Variants in VEGFA observed in about 807,000 individuals in gnomAD.
VEGFA encodes vascular endothelial growth factor A, long form.
Under a neutral mutation model 49.7 loss-of-function variants are expected in VEGFA, and 20 were observed. The ratio of observed to expected loss-of-function variants is 0.40; its 90% CI spans 0.28 to 0.58. The LOEUF is 0.58. VEGFA is among the 20% of genes least tolerant of loss of function. VEGFA has a pLI of 0.40. For synonymous variants in VEGFA, 219 were observed against 223.4 expected (o/e 0.98, Z 0.18); for missense variants, 505 against 553.5 (o/e 0.91, Z 0.88).
At position 43,770,879 on chromosome 6, in the gene VEGFA, T is replaced by A; in HGVS notation, c.173T>A (p.Leu58His). The change falls in exon 1 of 8, where the codon CTT (leucine) becomes CAT (histidine). Residue 58 changes from leucine (L) to histidine (H), a missense_variant. Leu to His is a moderately conservative substitution (Grantham distance 99). This residue lies in a region of VEGFA where 340 missense variants were observed against 321.8 expected (regional missense o/e 1.06). Coordinates refer to ENST00000672860, the MANE Select transcript of VEGFA (RefSeq NM_003376.6). ...GTCGCACTGAAACTTTTCGTCCAAC[T>A]TCTGGGCTGTTCTCGCTTCGGAGGA... The A allele has an allele frequency of 6.5e-7, 1 of 1,543,946 alleles. No individual in the cohort carries two copies. Among genetic ancestry groups the A allele is most frequent in the Non-Finnish European group, 8.7e-7 (1 of 1,145,212 alleles).
intron 7 of VEGFA, 152 bp downstream of exon 7, chr6:43,782,239 C>G: frequency 8.6e-7 from 1 of 1,162,042 alleles, no homozygotes; most frequent in Non-Finnish European, 1.2e-6. Flanking sequence ...CTGGTGACTG[C>G]TGCCTTCTCT....
In VEGFA at chr6:43,770,738, G is replaced by A. The variant is rs747915464; in HGVS notation, c.32G>A (p.Ser11Asn). Residue 11 changes from serine (S) to asparagine (N), a missense_variant, in exon 1 of 8, where the codon AGC (serine) becomes AAC (asparagine). Transcript: ENST00000672860. Reference sequence around the variant, plus strand: ...GACAGACAGACAGACACCGCCCCCAGCCCCAGCTACCACCTCCTCCCCGGC... The same window carrying A: ...GACAGACAGACAGACACCGCCCCCAACCCCAGCTACCACCTCCTCCCCGGC... 1.8e-5 allele frequency: 28 copies of A among 1,527,820 alleles called. 1 individual carries two copies. The highest frequency in any genetic ancestry group is 2.4e-5 in the Non-Finnish European group (27 of 1,148,124). 94.6% of individuals were successfully genotyped at this position (1,527,820 alleles called of 1,614,324 possible).
rs750662808 is a variant in VEGFA at position 43,770,959 on chromosome 6, T to G, written c.253T>G (p.Ser85Ala). The change falls in exon 1 of 8, where the codon TCG (serine) becomes GCG (alanine). Residue 85 changes from serine (S) to alanine (A), a missense_variant. Coordinates refer to ENST00000672860, the MANE Select transcript of VEGFA (RefSeq NM_003376.6). The stretch of plus-strand genomic sequence containing the variant: ...GAGCGGAGCCGCGAGAAGTGCTAGC[T>G]CGGGCCGGGAGGAGCCGCAGCCGGA... 1.6e-5 allele frequency: 25 copies of G among 1,543,840 alleles called. No homozygotes were observed. The South Asian group carries it at 3.0e-4, about 19-fold the overall frequency.
intron 6 of VEGFA, chr6:43,781,229 G>T: frequency 2.7e-6 from 1 of 374,160 alleles, no homozygotes. Context: ...GGCTGTGAAT[G>T]ACTGGAGGCA....
intron 5 of VEGFA, chr6:43,779,465 A>G: frequency 5.6e-6 from 2 of 355,540 alleles, no homozygotes; most frequent in Non-Finnish European, 1.1e-5. Flanking sequence ...GAGGCTTGTG[A>G]GTGCTCCGTG....
chr6:43,777,934 C>T lies in VEGFA; in HGVS notation c.855+269C>T. On this transcript the variant is annotated intron_variant, in intron 3 of 7. Coordinates refer to ENST00000672860, the MANE Select transcript of VEGFA (RefSeq NM_003376.6). This position sits in a 1 kb window ranked among gnomAD's most constrained non-coding sequence, Gnocchi z 4.3. ...ACAGATGGATGCCTGTGTCAGGAGC[C>T]CCTCTCTCCCTCTCTTGGAGAGAGT... 1 of 537,002 alleles carries T rather than the reference C, an allele frequency of 1.9e-6. No homozygotes were observed. Among genetic ancestry groups the T allele is most frequent in the Non-Finnish European group, 3.4e-6 (1 of 298,352 alleles). The allele number at this position is 537,002 out of a possible 1,614,324, so 33.3% of individuals were successfully genotyped here. A position where few individuals can be genotyped will look rare whatever the true frequency, so the allele number is the denominator to read the frequency against.
chr6:43,774,082 C>T (rs1764500495), intron 1 of VEGFA: 1 of 571,950 alleles, frequency 1.7e-6, no homozygotes, highest in Non-Finnish European at 3.1e-6. Flanking sequence ...GGGTTTTCCT[C>T]CTGCATTTCG....
intron 5 of VEGFA, chr6:43,779,644 C>T (rs1425771828): frequency 3.5e-5 from 16 of 461,260 alleles, no homozygotes; most frequent in East Asian, 2.7e-4. Context: ...CAGTGCTGTG[C>T]GGACATTGAA....
intron 6 of VEGFA, 105 bp from the exon 7 acceptor site, chr6:43,781,851 T>G (rs1582526955): frequency 3.9e-5 from 56 of 1,433,482 alleles, no homozygotes; most frequent in African/African-American, 2.8e-5. Flanking sequence ...ACCGGCTGGG[T>G]GGGGGTGCAG....
At chr6:43,782,596 C>T (rs915712663) in intron 7 of VEGFA, 8 of 233,866 alleles carry the variant, frequency 3.4e-5, no homozygotes, top group Non-Finnish European at 6.0e-5. Context: ...AATTGAGTCT[C>T]CCACTTCAGA....
In VEGFA at chr6:43,770,649, G is replaced by T; in HGVS notation, c.-58G>T. 6.7e-7 allele frequency: 1 copy of T among 1,498,770 alleles called. No individual in the cohort carries two copies. The highest frequency in any genetic ancestry group is 1.3e-5 in the South Asian group (1 of 78,804). The allele number at this position is 1,498,770 out of a possible 1,614,324, so 92.8% of individuals were successfully genotyped here. On this transcript the variant is annotated 5_prime_UTR_variant, in exon 1 of 8. Coordinates refer to ENST00000672860, the MANE Select transcript of VEGFA (RefSeq NM_003376.6). ...AAGTGAGTGACCTGCTTTTGGGGGT[G>T]ACCGCCGGAGCGCGGCGTGAGCCCT...
chr6:43,777,324 C>A lies in VEGFA; in HGVS notation c.659-145C>A. On this transcript the variant is annotated intron_variant, in intron 2 of 7. Transcript: ENST00000672860. The surrounding 1 kb of genome is among the most constrained non-coding windows in gnomAD (Gnocchi z 4.3). ...AAAGCTTAGGGAAGTGCTTCAAACA[C>A]AGTAGGAGGGACTTACGTTAGATTT... is the stretch of plus-strand genomic sequence containing the variant. 2.3e-6 allele frequency: 2 copies of A among 852,586 alleles called. No individual in the cohort carries two copies. Among genetic ancestry groups the A allele is most frequent in the Non-Finnish European group, 3.8e-6 (2 of 523,562 alleles). The allele number at this position is 852,586 out of a possible 1,614,324, so 52.8% of individuals were successfully genotyped here.
In VEGFA at chr6:43,777,420, C is replaced by T. The variant is rs780251268; in HGVS notation, c.659-49C>T. ...GAGCTGGGTGGAGAGAGGGGCTAGC[C>T]ATCTTTTGTGTCGCCCACCGGGCTC... On this transcript the variant is annotated intron_variant, in intron 2 of 7. Coordinates refer to ENST00000672860, the MANE Select transcript of VEGFA (RefSeq NM_003376.6). This position sits in a 1 kb window ranked among gnomAD's most constrained non-coding sequence, Gnocchi z 4.3. 2 of 1,606,360 alleles carry T rather than the reference C, an allele frequency of 1.2e-6. No homozygotes were observed. Among genetic ancestry groups the T allele is most frequent in the Non-Finnish European group, 1.7e-6 (2 of 1,175,082 alleles).
At chr6:43,774,519 A>G (rs1561985813) in intron 2 of VEGFA, 127 bp downstream of exon 2, 4 of 1,170,368 alleles carry the variant, frequency 3.4e-6, no homozygotes, top group Non-Finnish European at 5.0e-6. Context: ...GGATCAAGAA[A>G]GAAAGAGCTG....
Position 43,778,873 on chromosome 6 carries a change from T to A in VEGFA, c.933-16T>A. 6.2e-7 allele frequency: 1 copy of A among 1,614,248 alleles called. No homozygotes were observed. The highest frequency in any genetic ancestry group is 8.5e-7 in the Non-Finnish European group (1 of 1,180,044). On this transcript the variant is annotated splice_polypyrimidine_tract_variant and intron_variant, in intron 4 of 7. Coordinates refer to ENST00000672860, the MANE Select transcript of VEGFA (RefSeq NM_003376.6). ...CTTCCCTGTTTTGCTCTTTTCTCTCTCCCTACCCATTGCAGACCAAAGAAA... is the reference window on the plus strand; with the variant it reads ...CTTCCCTGTTTTGCTCTTTTCTCTCACCCTACCCATTGCAGACCAAAGAAA...
Position 43,770,373 on chromosome 6 carries a change from C to T in VEGFA, c.-334C>T, listed in dbSNP as rs932370425. 5.8e-6 allele frequency: 2 copies of T among 344,402 alleles called. No homozygotes were observed. The highest frequency in any genetic ancestry group is 4.2e-5 in the African/African-American group (2 of 47,424). 21.3% of individuals were successfully genotyped at this position (344,402 alleles called of 1,614,324 possible). On this transcript the variant is annotated 5_prime_UTR_variant, in exon 1 of 8. Transcript: ENST00000672860. ...ATTCATTGATCCGGGTTTTATCCCT[C>T]TTCTTTTTTCTTAAACATTTTTTTT... is the stretch of plus-strand genomic sequence containing the variant.
At chr6:43,779,666 G>T (rs1408186685) in intron 5 of VEGFA, 1 of 466,700 alleles carries the variant, frequency 2.1e-6, no homozygotes, top group South Asian at 1.5e-5. Context: ...CCCCCACCAG[G>T]CCTCAACCCC....
chr6:43,777,229 G>GTCCC lies in VEGFA; in HGVS notation c.659-238_659-235dup, dbSNP rs1480099668. The GTCCC allele has an allele frequency of 1.7e-6, 1 of 592,590 alleles. No homozygotes were observed. The highest frequency in any genetic ancestry group is 3.1e-6 in the Non-Finnish European group (1 of 322,932). 36.7% of individuals were successfully genotyped at this position (592,590 alleles called of 1,614,324 possible). A position where few individuals can be genotyped will look rare whatever the true frequency, so the allele number is the denominator to read the frequency against. ...GGCGGGATCAGATGTGGCAGGCCAT[G>GTCCC]TCCCTTGGAACTTGAGTACATCGTG... On this transcript the variant is annotated intron_variant, in intron 2 of 7. Coordinates refer to ENST00000672860, the MANE Select transcript of VEGFA (RefSeq NM_003376.6). This position sits in a 1 kb window ranked among gnomAD's most constrained non-coding sequence, Gnocchi z 4.3.
chr6:43,778,777 C>G (rs1253017562), intron 4 of VEGFA, 112 bp from the exon 5 acceptor site: 1 of 1,237,374 alleles, frequency 8.1e-7, no homozygotes, highest in Non-Finnish European at 1.2e-6. Flanking sequence ...CAGTGTTGCT[C>G]CATAATAAAT....
Sources: allele counts gnomAD v4.1 joint callset, GRCh38; gene constraint gnomAD v4.1.1; regional missense constraint gnomAD v4.1.1; non-coding constraint Gnocchi (gnomAD v3.1); transcripts MANE v1.5; gene names NCBI Gene and HGNC (gene_info 2026-07-23, HGNC 2026-07-21).